Variants in SKIC3 observed in about 807,000 individuals in gnomAD.
SKIC3 encodes the protein superkiller complex protein 3.
the SKIC3 span, among the ~76,000 whole-genome samples, chr5:95,464,997 G>T: frequency 7.1e-6 from 1 of 140,838 alleles, no homozygotes; most frequent in African/African-American, 2.8e-5. Flanking sequence ...TGATCTTGGT[G>T]GCTCACTGCA....
the SKIC3 span, among the ~76,000 whole-genome samples, chr5:95,534,657 G>A: frequency 6.6e-6 from 1 of 152,120 alleles, no homozygotes; most frequent in Non-Finnish European, 1.5e-5. Context: ...TCTCGTCAGA[G>A]TCCACCTTCT....
At chr5:95,491,550 G>A in the SKIC3 span, among the ~76,000 whole-genome samples, 1 of 152,284 alleles carries the variant, frequency 6.6e-6, no homozygotes, top group Admixed American at 6.5e-5. Flanking sequence ...GCATTTATAT[G>A]ACTATCTATC....
the SKIC3 span, among the ~76,000 whole-genome samples, chr5:95,493,814 AAAT>A: frequency 2.7e-3 from 414 of 151,342 alleles, 6 homozygotes; most frequent in East Asian, 2.1e-3. Flanking sequence ...TTCATATTTA[AAAT>A]AATATTATAT....
chr5:95,516,335 G>C, the SKIC3 span: 1 of 1,611,942 alleles, frequency 6.2e-7, no homozygotes, highest in African/African-American at 1.3e-5. Flanking sequence ...AAATATGACA[G>C]ACAGGCAACA....
chr5:95,532,964 T>C, the SKIC3 span, among the ~76,000 whole-genome samples: 1 of 152,104 alleles, frequency 6.6e-6, no homozygotes, highest in Non-Finnish European at 1.5e-5. Context: ...AAACTTAGCT[T>C]GAGGGGGGAA....
the SKIC3 span, chr5:95,530,268 G>A: frequency 1.2e-5 from 20 of 1,607,674 alleles, no homozygotes; most frequent in East Asian, 6.7e-5. Flanking sequence ...TACATATATC[G>A]AGTTTCTAAA....
At chr5:95,543,413 GAAAT>G in the SKIC3 span, 1 of 1,451,792 alleles carries the variant, frequency 6.9e-7, no homozygotes, top group Non-Finnish European at 9.6e-7. Flanking sequence ...CATGAGTCAG[GAAAT>G]CTATATCTAC....
chr5:95,546,988 C>T, the SKIC3 span: 31 of 1,447,248 alleles, frequency 2.1e-5, no homozygotes, highest in South Asian at 3.0e-4. Flanking sequence ...GGAAATAATT[C>T]ACATATTACA....
the SKIC3 span, among the ~76,000 whole-genome samples, chr5:95,510,751 G>C: frequency 6.6e-6 from 1 of 152,070 alleles, no homozygotes; most frequent in Non-Finnish European, 1.5e-5. Context: ...GACTGATTTC[G>C]GTAATAATAA....
chr5:95,512,805 T>C, the SKIC3 span: 5 of 643,224 alleles, frequency 7.8e-6, no homozygotes, highest in Non-Finnish European at 1.3e-5. Context: ...ATATTGAAAT[T>C]ATTTGCTCCA....
chr5:95,554,532 G>T, the SKIC3 span, among the ~76,000 whole-genome samples: 7 of 152,096 alleles, frequency 4.6e-5, no homozygotes, highest in Non-Finnish European at 1.0e-4. Context: ...CTCTCTGAAG[G>T]CAAGGAACAG....
the SKIC3 span, among the ~76,000 whole-genome samples, chr5:95,496,074 G>A: frequency 6.6e-6 from 1 of 151,672 alleles, no homozygotes; most frequent in Non-Finnish European, 1.5e-5. Context: ...ATGGAGTGCG[G>A]TGGCATGATC....
the SKIC3 span, among the ~76,000 whole-genome samples, chr5:95,492,411 C>A: frequency 2.0e-5 from 3 of 150,720 alleles, no homozygotes; most frequent in Non-Finnish European, 4.4e-5. Flanking sequence ...CCGAGGCGGG[C>A]GGATCACGAG....
the SKIC3 span, among the ~76,000 whole-genome samples, chr5:95,506,293 T>C: frequency 6.6e-6 from 1 of 152,168 alleles, no homozygotes; most frequent in Admixed American, 6.5e-5. Flanking sequence ...GTAGCACTAA[T>C]CCTAAGACAT....
At chr5:95,540,890 G>A in the SKIC3 span, 21 of 1,530,618 alleles carry the variant, frequency 1.4e-5, no homozygotes, top group South Asian at 1.0e-4. Flanking sequence ...CAATAAAAAT[G>A]TAAAATCTGC....
the SKIC3 span, chr5:95,514,979 C>T: frequency 3.2e-3 from 4,962 of 1,532,974 alleles, 20 homozygotes; most frequent in Non-Finnish European, 4.2e-3. Flanking sequence ...CTTATTAAAC[C>T]GCTTATGTTT....
At chr5:95,542,395 C>G in the SKIC3 span, among the ~76,000 whole-genome samples, 1 of 152,032 alleles carries the variant, frequency 6.6e-6, no homozygotes, top group African/African-American at 2.4e-5. Flanking sequence ...ACTAACATAA[C>G]CATGCTACGT....
chr5:95,551,277 A>G, the SKIC3 span, among the ~76,000 whole-genome samples: 2 of 152,156 alleles, frequency 1.3e-5, no homozygotes, highest in African/African-American at 2.4e-5. Flanking sequence ...ACAAAAAACA[A>G]TCTAGAATGG....
At chr5:95,497,458 C>G in the SKIC3 span, 1 of 1,613,598 alleles carries the variant, frequency 6.2e-7, no homozygotes, top group Non-Finnish European at 8.5e-7. Flanking sequence ...CTCGAGACAA[C>G]AGAGACCAAA....
Sources: gnomAD v4.1 joint callset for allele counts (sites outside exome capture counted in the v4.1 genomes callset) on GRCh38, gnomAD v4.1.1 for gene constraint, MANE v1.5 for transcripts, NCBI Gene and HGNC (gene_info 2026-07-23, HGNC 2026-07-21) for gene names.